The following ARGLU1 variants were observed in gnomAD, a reference collection of about 807,000 sequenced individuals.
ARGLU1 encodes the protein arginine and glutamate rich 1.
ARGLU1 carries 9 observed loss-of-function variants against 37.6 expected under a neutral mutation model. The observed-to-expected ratio is 0.24, with a 90% CI of 0.14 to 0.42. The LOEUF (loss-of-function observed/expected upper bound fraction) is 0.42, where lower values mean the gene tolerates loss of function less well. ARGLU1 is among the 10% of genes least tolerant of loss of function. The pLI, the probability that ARGLU1 is intolerant of heterozygous loss-of-function variation, is 1.00. For missense variants in ARGLU1, 211 were observed against 359.2 expected, an observed-to-expected ratio of 0.59 and a Z score of 3.34; for synonymous variants, 166 against 138.5, an observed-to-expected ratio of 1.20 and a Z score of -1.39.
In ARGLU1 at chr13:106,559,511, T is replaced by C. The variant is rs375614814; in HGVS notation, c.494A>G (p.Lys165Arg). 2.5e-6 allele frequency: 4 copies of C among 1,614,102 alleles called. No homozygotes were observed. Among genetic ancestry groups the C allele is most frequent in the Non-Finnish European group, 8.5e-7 (1 of 1,180,046 alleles). ...REVLRRVEEA[K>R]RIMEKQLLEE... ...GAGCAACTGCTTTTCCATGATGCGT[T>C]TGGCTTCCTCCACCCTTCGGAGAAC... Residue 165 changes from lysine to arginine, a missense_variant, in exon 2 of 4, where the codon AAA (lysine) becomes AGA (arginine). Coordinates refer to ENST00000400198, the MANE Select transcript of ARGLU1 (RefSeq NM_018011.4).
In ARGLU1 at chr13:106,541,741, TAATAAAAATAAACAAA is replaced by T; in HGVS notation, c.*2239_*2254del. ...ACAATATGTCAATAACTACATACTG[TAATAAAAATAAACAAA>T]GTCATACTTAATTCTATAATGCATT... On this transcript the variant is annotated 3_prime_UTR_variant, in exon 4 of 4. Transcript: ENST00000400198. 6.6e-6 allele frequency: 1 copy of T among 152,156 alleles called. No homozygotes were observed. Among genetic ancestry groups the T allele is most frequent in the East Asian group, 1.9e-4 (1 of 5,184 alleles). 9.4% of individuals were successfully genotyped at this position (152,156 alleles called of 1,614,324 possible). A position where few individuals can be genotyped will look rare whatever the true frequency, so the allele number is the denominator to read the frequency against.
At chr13:106,555,992 G>C (rs1223851954) in intron 3 of ARGLU1, among the ~76,000 whole-genome samples, 2 of 151,992 alleles carry the variant, frequency 1.3e-5, no homozygotes, top group African/African-American at 2.4e-5. Context: ...ACCCTTCAAA[G>C]CTCAACCTTC....
At chr13:106,544,244 T>C in intron 3 of ARGLU1, 84 bp from the exon 4 acceptor site, 3 of 1,244,480 alleles carry the variant, frequency 2.4e-6, no homozygotes, top group Non-Finnish European at 3.2e-6. Flanking sequence ...ATCTATTATG[T>C]ATCTACAAAA....
intron 1 of ARGLU1, among the ~76,000 whole-genome samples, chr13:106,564,493 CT>C (rs2098019720): frequency 6.6e-6 from 1 of 152,176 alleles, no homozygotes; most frequent in South Asian, 2.1e-4. Context: ...ATGGTTGATT[CT>C]TATTTTACGG....
rs192623469 is a variant in ARGLU1, at chr13:106,567,437, C to G, written c.347+136G>C. On this transcript the variant is annotated intron_variant, in intron 1 of 3. Transcript: ENST00000400198. The surrounding 1 kb of genome is among the most constrained non-coding windows in gnomAD (Gnocchi z 4.3). Reference sequence around the variant, plus strand: ...CCCGCCCCGCCGCCGCCTCTCCGACCCGTTCCCGCGCCCGGTCCCCAGCCC... The same window carrying G: ...CCCGCCCCGCCGCCGCCTCTCCGACGCGTTCCCGCGCCCGGTCCCCAGCCC... The G allele has an allele frequency of 1.2e-3, 712 of 595,476 alleles. 7 individuals carry two copies. The African/African-American group carries it at 0.013, about 11-fold the overall frequency. 36.9% of individuals were successfully genotyped at this position (595,476 alleles called of 1,614,324 possible).
chr13:106,563,465 G>A (rs1004220422), intron 1 of ARGLU1, among the ~76,000 whole-genome samples: 1 of 152,066 alleles, frequency 6.6e-6, no homozygotes, highest in African/African-American at 2.4e-5. Flanking sequence ...GGACAAATAA[G>A]CAAGGCAAAG....
rs905171084 is a variant in ARGLU1, at chr13:106,542,840, A to AT, written c.*1155dup. 1 of 151,732 alleles carries AT rather than the reference A, an allele frequency of 6.6e-6. No individual in the cohort carries two copies. The highest frequency in any genetic ancestry group is 2.4e-5 in the African/African-American group (1 of 41,362). The allele number at this position is 151,732 out of a possible 1,614,324, so 9.4% of individuals were successfully genotyped here. A position where few individuals can be genotyped will look rare whatever the true frequency, so the allele number is the denominator to read the frequency against. ...TTTCACATGCAAAAAAAAAAAAAAA[A>AT]TTCATAAAGTTCAAATGTGTTTGTC... On this transcript the variant is annotated 3_prime_UTR_variant, in exon 4 of 4. Coordinates refer to ENST00000400198, the MANE Select transcript of ARGLU1 (RefSeq NM_018011.4).
intron 2 of ARGLU1, chr13:106,558,026 A>G: frequency 2.0e-5 from 20 of 985,386 alleles, no homozygotes; most frequent in Non-Finnish European, 2.4e-5. Flanking sequence ...AAACTGTATG[A>G]AGACTGCTTG....
At chr13:106,566,951 A>G (rs1880981655) in intron 1 of ARGLU1, among the ~76,000 whole-genome samples, 2 of 151,682 alleles carry the variant, frequency 1.3e-5, no homozygotes, top group Admixed American at 6.6e-5. Context: ...TTTTTTTAAC[A>G]TCTCAAGGAA....
intron 1 of ARGLU1, 45 bp from the exon 2 acceptor site, chr13:106,559,702 A>C: frequency 6.4e-7 from 1 of 1,557,532 alleles, no homozygotes; most frequent in Non-Finnish European, 8.7e-7. Context: ...TTACTTTTAA[A>C]ACTATAAATT....
At position 106,544,460 on chromosome 13, in the gene ARGLU1, G is replaced by C. The variant is rs922379296; in HGVS notation, c.658-300C>G. 8.1e-4 allele frequency among the ~76,000 whole-genome samples: 124 copies of C among 152,208 alleles called. 1 individual carries two copies. Among genetic ancestry groups the C allele is most frequent in the African/African-American group, 2.8e-3 (116 of 41,540 alleles). On this transcript the variant is annotated intron_variant, in intron 3 of 3. Coordinates refer to ENST00000400198, the MANE Select transcript of ARGLU1 (RefSeq NM_018011.4). ...TTTATTAATTACATCTACATTTTCT[G>C]TCTTTCATTTTCAATGAAAATAAAT...
chr13:106,550,707 G>A (rs1880510868), intron 3 of ARGLU1, among the ~76,000 whole-genome samples: 1 of 152,158 alleles, frequency 6.6e-6, no homozygotes, highest in East Asian at 1.9e-4. Flanking sequence ...AGTGTTGGCA[G>A]GGACACACTT....
At chr13:106,555,195 T>TA in intron 3 of ARGLU1, among the ~76,000 whole-genome samples, 1 of 151,754 alleles carries the variant, frequency 6.6e-6, no homozygotes, top group Admixed American at 6.6e-5. Flanking sequence ...CCATCTCTAC[T>TA]AAAACAGAAA....
At chr13:106,551,226 T>C (rs765078605) in intron 3 of ARGLU1, among the ~76,000 whole-genome samples, 1 of 152,228 alleles carries the variant, frequency 6.6e-6, no homozygotes, top group Non-Finnish European at 1.5e-5. Context: ...TCTATACTTA[T>C]CAGTTCATTC....
At position 106,567,978 on chromosome 13, in the gene ARGLU1, G is replaced by C; in HGVS notation, c.-59C>G. 4.6e-6 allele frequency: 7 copies of C among 1,527,518 alleles called. No individual in the cohort carries two copies. Among genetic ancestry groups the C allele is most frequent in the Non-Finnish European group, 6.1e-6 (7 of 1,150,212 alleles). The allele number at this position is 1,527,518 out of a possible 1,614,324, so 94.6% of individuals were successfully genotyped here. A position where few individuals can be genotyped will look rare whatever the true frequency, so the allele number is the denominator to read the frequency against. ...GCCCCTCACGCGGCCAGTTCCCCTCGCCTCCGCCTTCGGACGCGGGCTGGC... is the reference window on the plus strand; with the variant it reads ...GCCCCTCACGCGGCCAGTTCCCCTCCCCTCCGCCTTCGGACGCGGGCTGGC... On this transcript the variant is annotated 5_prime_UTR_variant, in exon 1 of 4. Transcript: ENST00000400198. The surrounding 1 kb of genome is among the most constrained non-coding windows in gnomAD (Gnocchi z 4.3).
Position 106,567,483 on chromosome 13 carries a change from C to CCCGGCCCGCA in ARGLU1, c.347+80_347+89dup, listed in dbSNP as rs1019658051. On this transcript the variant is annotated intron_variant, in intron 1 of 3. Coordinates refer to ENST00000400198, the MANE Select transcript of ARGLU1 (RefSeq NM_018011.4). This position sits in a 1 kb window ranked among gnomAD's most constrained non-coding sequence, Gnocchi z 4.3. ...AGCCCCGGACCGTCCCCGCCATTCTCCCGGCCCGCACCGTCCCGCCCCGGC... is the reference window on the plus strand; with the variant it reads ...AGCCCCGGACCGTCCCCGCCATTCTCCCGGCCCGCACCGGCCCGCACCGTCCCGCCCCGGC... The CCCGGCCCGCA allele has an allele frequency of 2.8e-5, 26 of 940,714 alleles. No individual in the cohort carries two copies. Among genetic ancestry groups the CCCGGCCCGCA allele is most frequent in the Non-Finnish European group, 4.1e-5 (26 of 632,514 alleles). 58.3% of individuals were successfully genotyped at this position (940,714 alleles called of 1,614,324 possible).
chr13:106,563,099 G>A (rs897305973), intron 1 of ARGLU1, among the ~76,000 whole-genome samples: 1 of 150,366 alleles, frequency 6.7e-6, no homozygotes, highest in African/African-American at 2.4e-5. Flanking sequence ...CACTGTTACA[G>A]AGTAACTGGC....
intron 1 of ARGLU1, among the ~76,000 whole-genome samples, chr13:106,566,625 A>C (rs552883309): frequency 6.6e-6 from 1 of 152,328 alleles, no homozygotes; most frequent in East Asian, 1.9e-4. Flanking sequence ...TTTAAAACCC[A>C]AAAATTCCTT....
intron 1 of ARGLU1, among the ~76,000 whole-genome samples, chr13:106,560,801 T>C (rs1002194417): frequency 1.3e-5 from 2 of 152,210 alleles, no homozygotes; most frequent in African/African-American, 4.8e-5. Flanking sequence ...GCAACCTTTA[T>C]CTTTTGATCA....
Sources: allele counts gnomAD v4.1 joint callset (sites outside exome capture counted in the v4.1 genomes callset), GRCh38; gene constraint gnomAD v4.1.1; non-coding constraint Gnocchi (gnomAD v3.1); transcripts MANE v1.5; gene names NCBI Gene and HGNC (gene_info 2026-07-23, HGNC 2026-07-21).